Variants in TBC1D22A observed in about 807,000 individuals in gnomAD.
TBC1D22A encodes putative GTPase activator.
In TBC1D22A, 38 loss-of-function variants were observed where a neutral mutation model predicts 60.2. The observed-to-expected ratio is 0.63, with a 90% CI of 0.49 to 0.83. The LOEUF is 0.83. Ranked by LOEUF, TBC1D22A falls within the 40% of genes least tolerant of loss-of-function variation. The pLI is 0.00. For missense variants in TBC1D22A, 628 were observed against 701.0 expected, an observed-to-expected ratio of 0.90 and a Z score of 1.18; for synonymous variants, 302 against 281.7, an observed-to-expected ratio of 1.07 and a Z score of -0.72.
intron 11 of TBC1D22A, among the ~76,000 whole-genome samples, chr22:47,060,873 G>A (rs1305378972): frequency 1.3e-5 from 2 of 152,174 alleles, no homozygotes; most frequent in African/African-American, 2.4e-5. Flanking sequence ...CATGCCGCTC[G>A]ACTCCCATCA....
intron 12 of TBC1D22A, among the ~76,000 whole-genome samples, chr22:47,150,759 C>T (rs901784431): frequency 1.2e-4 from 18 of 152,154 alleles, no homozygotes; most frequent in African/African-American, 4.1e-4. Context: ...CTGTGGGTCA[C>T]CAAGTGCCCC....
At chr22:47,137,658 A>C (rs931727886) in intron 12 of TBC1D22A, among the ~76,000 whole-genome samples, 1 of 152,242 alleles carries the variant, frequency 6.6e-6, no homozygotes, top group Non-Finnish European at 1.5e-5. Flanking sequence ...CACCGGCCAC[A>C]CTGGGCTACA....
intron 10 of TBC1D22A, among the ~76,000 whole-genome samples, chr22:47,004,138 A>G (rs986550759): frequency 2.7e-5 from 4 of 149,876 alleles, no homozygotes; most frequent in Non-Finnish European, 3.0e-5. Context: ...CACATCTGCT[A>G]TATACACATA....
At chr22:46,969,775 G>A (rs937948982) in intron 8 of TBC1D22A, among the ~76,000 whole-genome samples, 4 of 152,162 alleles carry the variant, frequency 2.6e-5, no homozygotes, top group African/African-American at 9.7e-5. Context: ...TATAGGGGAC[G>A]GGGCTGCCCC....
chr22:47,050,285 A>AGGTG (rs2063166762), intron 11 of TBC1D22A, among the ~76,000 whole-genome samples: 1 of 150,844 alleles, frequency 6.6e-6, no homozygotes, highest in Non-Finnish European at 1.5e-5. Flanking sequence ...GATTACAGAC[A>AGGTG]TGAGCCACCG....
At chr22:47,161,533 C>T (rs2067984634) in intron 12 of TBC1D22A, among the ~76,000 whole-genome samples, 1 of 152,200 alleles carries the variant, frequency 6.6e-6, no homozygotes, top group Non-Finnish European at 1.5e-5. Flanking sequence ...TTTTCCCTCT[C>T]ACCTGTTACT....
At chr22:47,107,865 A>G (rs57131665) in intron 11 of TBC1D22A, among the ~76,000 whole-genome samples, 3,448 of 152,346 alleles carry the variant, frequency 0.023, 133 homozygotes, top group African/African-American at 0.078. Flanking sequence ...ACTTTTTACC[A>G]TATACAAAAA....
chr22:46,772,689 C>T (rs1381563552), intron 1 of TBC1D22A, among the ~76,000 whole-genome samples: 27 of 147,514 alleles, frequency 1.8e-4, no homozygotes, highest in Non-Finnish European at 1.5e-4. Context: ...ACTCTATCAC[C>T]AGGCTGGAGT....
intron 1 of TBC1D22A, chr22:46,774,025 A>C (rs1217017330): frequency 2.0e-6 from 2 of 985,364 alleles, no homozygotes; most frequent in East Asian, 1.1e-4. Flanking sequence ...AAGCTGACTC[A>C]CTCACCAGGA....
chr22:46,986,969 C>CT lies in TBC1D22A; in HGVS notation c.1126-10664dup, dbSNP rs200275310. ...CCTGGCGCCCTGGGCCTACGTGACT[C>CT]TAAGAGTAGGACTTTGGGTTGGATC... On this transcript the variant is annotated intron_variant, in intron 9 of 12. Coordinates refer to ENST00000337137, the MANE Select transcript of TBC1D22A (RefSeq NM_014346.5). Among the ~76,000 whole-genome samples, 572 of 152,310 alleles carry CT rather than the reference C, an allele frequency of 3.8e-3. 3 individuals are homozygous for CT. The highest frequency in any genetic ancestry group is 0.013 in the African/African-American group (541 of 41,574).
intron 11 of TBC1D22A, among the ~76,000 whole-genome samples, chr22:47,105,727 G>T (rs2065607801): frequency 6.6e-6 from 1 of 152,166 alleles, no homozygotes; most frequent in Non-Finnish European, 1.5e-5. Flanking sequence ...AGGCCCTCAG[G>T]CTCTAGAGAA....
At chr22:46,828,109 C>T (rs2086149435) in intron 4 of TBC1D22A, among the ~76,000 whole-genome samples, 1 of 152,202 alleles carries the variant, frequency 6.6e-6, no homozygotes, top group Non-Finnish European at 1.5e-5. Context: ...GGGGCTGCTC[C>T]ACACTCCCGT....
chr22:46,805,998 A>G (rs1324034902), intron 4 of TBC1D22A, among the ~76,000 whole-genome samples: 3 of 118,108 alleles, frequency 2.5e-5, no homozygotes, highest in South Asian at 2.9e-4. Context: ...GATTACAGGC[A>G]CCCACCACCA....
intron 10 of TBC1D22A, among the ~76,000 whole-genome samples, chr22:47,010,929 CTGGCCT>C (rs1192677751): frequency 6.6e-6 from 1 of 152,204 alleles, no homozygotes; most frequent in Non-Finnish European, 1.5e-5. Flanking sequence ...GTCCCTGACT[CTGGCCT>C]TGGGCTGCTG....
intron 4 of TBC1D22A, among the ~76,000 whole-genome samples, chr22:46,856,229 G>A (rs1273583919): frequency 6.6e-6 from 1 of 152,202 alleles, no homozygotes; most frequent in African/African-American, 2.4e-5. Flanking sequence ...GCCTCTGCGT[G>A]GCTGCCCCAT....
chr22:47,138,872 G>C (rs1385344273), intron 12 of TBC1D22A, among the ~76,000 whole-genome samples: 1 of 152,196 alleles, frequency 6.6e-6, no homozygotes, highest in South Asian at 2.1e-4. Context: ...CCTTCATAGA[G>C]GAACCAATCC....
chr22:46,794,402 G>A (rs964391377), intron 3 of TBC1D22A, among the ~76,000 whole-genome samples: 1 of 152,236 alleles, frequency 6.6e-6, no homozygotes. Context: ...GTGGGGTCGT[G>A]TCTGGTGCCA....
intron 8 of TBC1D22A, among the ~76,000 whole-genome samples, chr22:46,937,175 AT>A (rs1331137137): frequency 6.6e-6 from 1 of 152,150 alleles, no homozygotes; most frequent in East Asian, 1.9e-4. Context: ...ATGTTTTGTG[AT>A]TTTTATCCTG....
At chr22:46,883,545 T>C (rs958292973) in intron 5 of TBC1D22A, among the ~76,000 whole-genome samples, 2 of 152,110 alleles carry the variant, frequency 1.3e-5, no homozygotes, top group Non-Finnish European at 2.9e-5. Flanking sequence ...CGTGCTTGCC[T>C]TTTAGAATTT....
Sources: gnomAD v4.1 joint callset for allele counts (sites outside exome capture counted in the v4.1 genomes callset) on GRCh38, gnomAD v4.1.1 for gene constraint, MANE v1.5 for transcripts, NCBI Gene and HGNC (gene_info 2026-07-23, HGNC 2026-07-21) for gene names.